The following KMT2C variants were observed in gnomAD, a reference collection of about 807,000 sequenced individuals.
KMT2C encodes the protein histone-lysine N-methyltransferase 2C.
In KMT2C, 88 loss-of-function variants were observed where a neutral mutation model predicts 507.9. The ratio of observed to expected loss-of-function variants is 0.17; its 90% confidence interval spans 0.15 to 0.21. The LOEUF (loss-of-function observed/expected upper bound fraction) is 0.21, where lower values mean the gene tolerates loss of function less well. KMT2C is among the 10% of genes least tolerant of loss of function. The pLI is 1.00. For missense variants in KMT2C, 4,954 were observed against 5,957.8 expected (o/e 0.83, Z 5.55); for synonymous variants, 2,049 against 2,080.8 (o/e 0.98, Z 0.42).
intron 1 of KMT2C, among the ~76,000 whole-genome samples, chr7:152,432,948 AC>A (rs35603434): frequency 0.049 from 7,473 of 152,170 alleles, 307 homozygotes; most frequent in African/African-American, 0.1. Context: ...GGGGTTCAAG[AC>A]CAGCCTGGCC....
rs938826373 is a variant in KMT2C at position 152,308,673 on chromosome 7, C to CAAAA, written c.849+1289_849+1292dup. On this transcript the variant is annotated intron_variant, in intron 6 of 58. Coordinates refer to ENST00000262189, the MANE Select transcript of KMT2C (RefSeq NM_170606.3). ...CTGCACAACACAGCAAAACTCCTCT[C>CAAAA]AAAAAAAAAAAAAAAAAAAAAAAAA... Among the ~76,000 whole-genome samples the CAAAA allele has an allele frequency of 4.7e-3, 115 of 24,556 alleles. 12 individuals are homozygous for CAAAA. Among genetic ancestry groups the CAAAA allele is most frequent in the African/African-American group, 0.017 (111 of 6,724 alleles). 16.1% of individuals were successfully genotyped at this position (24,556 alleles called of 152,430 possible).
At chr7:152,175,470 C>G (rs1003330749) in intron 38 of KMT2C, among the ~76,000 whole-genome samples, 1 of 133,232 alleles carries the variant, frequency 7.5e-6, no homozygotes, top group Non-Finnish European at 1.5e-5. Flanking sequence ...CGTCCCCTAG[C>G]CCCCCACCCC....
chr7:152,430,921 G>C (rs1458064489), intron 1 of KMT2C, among the ~76,000 whole-genome samples: 1 of 152,148 alleles, frequency 6.6e-6, no homozygotes, highest in Non-Finnish European at 1.5e-5. Context: ...TAAACTTAAA[G>C]TGACTTAAGT....
intron 1 of KMT2C, chr7:152,367,521 C>A (rs922389440): frequency 5.4e-6 from 6 of 1,120,464 alleles, no homozygotes; most frequent in Admixed American, 3.4e-5. Flanking sequence ...CCCAGAGAGG[C>A]GAACCTGGAT....
chr7:152,393,194 A>G (rs1430007557), intron 1 of KMT2C, among the ~76,000 whole-genome samples: 2 of 152,206 alleles, frequency 1.3e-5, no homozygotes, highest in Non-Finnish European at 2.9e-5. Context: ...TCAGGTTAAA[A>G]TGACAACTGC....
Position 152,313,286 on chromosome 7 carries a change from T to C in KMT2C, c.591-1340A>G, listed in dbSNP as rs143241424. Among the ~76,000 whole-genome samples, 219 of 152,184 alleles carry C rather than the reference T, an allele frequency of 1.4e-3. 1 individual carries two copies. Among genetic ancestry groups the C allele is most frequent in the African/African-American group, 5.0e-3 (207 of 41,574 alleles). On this transcript the variant is annotated intron_variant, in intron 4 of 58. Coordinates refer to ENST00000262189, the MANE Select transcript of KMT2C (RefSeq NM_170606.3). Reference sequence around the variant, plus strand: ...CATCTATAACTACTAAATGTTGTTTTAGCATACTGTTTTGCACTAGTATTT... The same window carrying C: ...CATCTATAACTACTAAATGTTGTTTCAGCATACTGTTTTGCACTAGTATTT...
chr7:152,207,519 T>A (rs1273694052), intron 23 of KMT2C, 91 bp from the exon 24 acceptor site: 1 of 1,170,142 alleles, frequency 8.5e-7, no homozygotes. Flanking sequence ...GGGTTGTTGC[T>A]GAGCCATTTT....
rs749565571 is a variant in KMT2C, at chr7:152,315,200, G to A, written c.528C>T (p.Asn176=). The A allele has an allele frequency of 1.9e-6, 3 of 1,613,918 alleles. No individual in the cohort carries two copies. The highest frequency in any genetic ancestry group is 1.1e-5 in the South Asian group (1 of 91,086). ...QPSNKKDIDD[N]SNGTYEKMQN... ...GCATTTTCTCATAGGTTCCATTGCT[G>A]TTGTCATCAATGTCCTTCTTGTTAG... is the stretch of plus-strand genomic sequence containing the variant. The change falls in exon 4 of 59, where the codon AAC becomes AAT. Residue 176 remains asparagine (N), a synonymous_variant. Transcript: ENST00000262189.
rs1212806949 is a variant in KMT2C at position 152,136,444 on chromosome 7, C to A, written c.*388G>T. On this transcript the variant is annotated 3_prime_UTR_variant, in exon 59 of 59. Transcript: ENST00000262189. The stretch of plus-strand genomic sequence containing the variant: ...TTACATTCATAGGAAGGCCCCTGCC[C>A]GGGGCAGGGCAGCCATCGGCTCTTT... The A allele has an allele frequency of 8.0e-6, 2 of 249,142 alleles. No homozygotes were observed. The highest frequency in any genetic ancestry group is 2.6e-4 in the South Asian group (2 of 7,754). 15.4% of individuals were successfully genotyped at this position (249,142 alleles called of 1,614,324 possible).
intron 1 of KMT2C, among the ~76,000 whole-genome samples, chr7:152,377,627 C>T (rs994932240): frequency 6.0e-5 from 9 of 149,854 alleles, no homozygotes; most frequent in African/African-American, 2.0e-4. Context: ...CCCAGATACT[C>T]GGGGGAGCTG....
intron 1 of KMT2C, among the ~76,000 whole-genome samples, chr7:152,363,281 C>A (rs114273449): frequency 2.4e-4 from 36 of 152,228 alleles, no homozygotes; most frequent in African/African-American, 7.9e-4. Flanking sequence ...TGTCTCTTAA[C>A]CCTTTCATTT....
chr7:152,309,656 G>T (rs1164336580), intron 6 of KMT2C, among the ~76,000 whole-genome samples: 1 of 151,492 alleles, frequency 6.6e-6, no homozygotes, highest in African/African-American at 2.4e-5. Flanking sequence ...AAGTAGCTGG[G>T]ATTACAGGCG....
At chr7:152,207,506 G>GT (rs1276781235) in intron 23 of KMT2C, 78 bp from the exon 24 acceptor site, 1 of 1,352,298 alleles carries the variant, frequency 7.4e-7, no homozygotes, top group East Asian at 2.4e-5. Flanking sequence ...GGAATAAAAA[G>GT]TAGGGTTGTT....
chr7:152,377,122 A>G (rs2097334911), intron 1 of KMT2C, among the ~76,000 whole-genome samples: 1 of 152,312 alleles, frequency 6.6e-6, no homozygotes, highest in African/African-American at 2.4e-5. Context: ...CCACTCAAAA[A>G]GTCCTAGAGC....
Position 152,167,266 on chromosome 7 carries a change from C to T in KMT2C, c.9630G>A (p.Lys3210=). The change falls in exon 42 of 59, where the codon AAG becomes AAA. Residue 3210 remains lysine (K), a synonymous_variant. Coordinates refer to ENST00000262189, the MANE Select transcript of KMT2C (RefSeq NM_170606.3). The part of the protein sequence containing the change: ...EQIGAHRKSK[K]ALSAKQRTAK... ...CAGTACGTTGTTTAGCTGAAAGGGC[C>T]TTCTTAGATTTTCTGTGAGCACCAA... 1 of 1,614,024 alleles carries T rather than the reference C, an allele frequency of 6.2e-7. No homozygotes were observed. Among genetic ancestry groups the T allele is most frequent in the Non-Finnish European group, 8.5e-7 (1 of 1,179,990 alleles).
chr7:152,243,124 C>T lies in KMT2C; in HGVS notation c.2533-4298G>A, dbSNP rs541145833. ...GAAGTCTCATATATAAAATTGAGTT[C>T]GATATCAAGTAGAACAAGAAATTAG... On this transcript the variant is annotated intron_variant, in intron 14 of 58. Transcript: ENST00000262189. 7.9e-5 allele frequency among the ~76,000 whole-genome samples: 12 copies of T among 152,182 alleles called. No individual in the cohort carries two copies. In the South Asian group the frequency reaches 2.5e-3, roughly 32 times the overall value.
chr7:152,347,038 C>T (rs1017148781), intron 2 of KMT2C, among the ~76,000 whole-genome samples: 3 of 152,078 alleles, frequency 2.0e-5, no homozygotes, highest in African/African-American at 7.2e-5. Context: ...GCAGGAGAAT[C>T]GCTTGAACCC....
At chr7:152,194,601 C>T (rs1563342847) in intron 28 of KMT2C, 33 bp from the exon 29 acceptor site, 1 of 1,578,412 alleles carries the variant, frequency 6.3e-7, no homozygotes, top group South Asian at 1.1e-5. Context: ...TTTAAAGGTA[C>T]ATTCAGAATA....
chr7:152,314,274 T>C (rs1268278055), intron 4 of KMT2C, among the ~76,000 whole-genome samples: 2 of 152,162 alleles, frequency 1.3e-5, no homozygotes, highest in East Asian at 3.8e-4. Flanking sequence ...GTACTTAAAT[T>C]TGGATATAAG....
Sources: gnomAD v4.1 joint callset for allele counts (sites outside exome capture counted in the v4.1 genomes callset) on GRCh38, gnomAD v4.1.1 for gene constraint, MANE v1.5 for transcripts, NCBI Gene and HGNC (gene_info 2026-07-23, HGNC 2026-07-21) for gene names.